The following CNTNAP2 variants were observed in gnomAD, a reference collection of about 807,000 sequenced individuals.
CNTNAP2 encodes the protein contactin associated protein 2.
Under a neutral mutation model 155.2 loss-of-function variants are expected in CNTNAP2, and 98 were observed. The ratio of observed to expected loss-of-function variants is 0.63; its 90% CI spans 0.54 to 0.75. The LOEUF (loss-of-function observed/expected upper bound fraction) is 0.75. CNTNAP2 is among the 30% of genes least tolerant of loss of function. The pLI is 0.00. For missense variants in CNTNAP2, 1,727 were observed against 1,688.1 expected, an observed-to-expected ratio of 1.02 and a Z score of -0.40; for synonymous variants, 651 against 631.2, an observed-to-expected ratio of 1.03 and a Z score of -0.47.
intron 1 of CNTNAP2, among the ~76,000 whole-genome samples, chr7:146,532,538 G>A (rs1258551648): frequency 1.3e-5 from 2 of 152,008 alleles, no homozygotes; most frequent in Admixed American, 1.3e-4. Context: ...ATGACATCTA[G>A]CCTCACAACC....
At chr7:147,781,884 G>T (rs571154126) in intron 13 of CNTNAP2, among the ~76,000 whole-genome samples, 1 of 152,114 alleles carries the variant, frequency 6.6e-6, no homozygotes, top group Non-Finnish European at 1.5e-5. Flanking sequence ...TTAGCTGGGC[G>T]TGGCGGCGGG....
At chr7:147,731,122 G>A (rs1796731844) in intron 13 of CNTNAP2, among the ~76,000 whole-genome samples, 1 of 152,110 alleles carries the variant, frequency 6.6e-6, no homozygotes, top group Admixed American at 6.6e-5. Context: ...AGCAAATGCT[G>A]ATGTAGAAGC....
chr7:147,486,169 T>C, intron 11 of CNTNAP2, 128 bp downstream of exon 11: 1 of 684,762 alleles, frequency 1.5e-6, no homozygotes, highest in Admixed American at 3.0e-5. Flanking sequence ...AAACCAAGAT[T>C]CCAATTGTCA....
intron 1 of CNTNAP2, among the ~76,000 whole-genome samples, chr7:146,770,108 C>T (rs1325592906): frequency 1.3e-5 from 2 of 151,932 alleles, no homozygotes; most frequent in Admixed American, 1.3e-4. Flanking sequence ...TTATTTGTGG[C>T]TTTTTGTATT....
At chr7:147,145,480 T>C (rs970473949) in intron 8 of CNTNAP2, among the ~76,000 whole-genome samples, 1 of 152,156 alleles carries the variant, frequency 6.6e-6, no homozygotes, top group Non-Finnish European at 1.5e-5. Context: ...GTCAATAGCA[T>C]GCAGGTTGAC....
intron 13 of CNTNAP2, among the ~76,000 whole-genome samples, chr7:147,651,744 C>T (rs1300237440): frequency 2.6e-5 from 4 of 152,186 alleles, no homozygotes; most frequent in Admixed American, 1.3e-4. Flanking sequence ...AAGACAAAGA[C>T]TCCTTTTCTC....
intron 21 of CNTNAP2, among the ~76,000 whole-genome samples, chr7:148,343,320 C>T (rs998796279): frequency 2.6e-5 from 4 of 152,256 alleles, no homozygotes; most frequent in African/African-American, 9.6e-5. Context: ...CCGGTGCCCA[C>T]TAAGCCTTGA....
intron 1 of CNTNAP2, among the ~76,000 whole-genome samples, chr7:146,631,557 G>A (rs1237956337): frequency 6.6e-6 from 1 of 152,036 alleles, no homozygotes; most frequent in African/African-American, 2.4e-5. Context: ...AATGACCCCA[G>A]GTTCTTCACT....
chr7:147,331,609 C>A (rs1472267417), intron 9 of CNTNAP2, among the ~76,000 whole-genome samples: 1 of 151,970 alleles, frequency 6.6e-6, no homozygotes, highest in Non-Finnish European at 1.5e-5. Flanking sequence ...GACAGAGACA[C>A]AAATGAGACT....
intron 21 of CNTNAP2, among the ~76,000 whole-genome samples, chr7:148,283,304 A>AAAGAAAGAAAGG (rs1278484699): frequency 4.5e-5 from 4 of 89,426 alleles, no homozygotes; most frequent in African/African-American, 2.3e-4. Flanking sequence ...AGAAAGAAAG[A>AAAGAAAGAAAGG]AAGGAAGGAA....
At chr7:147,397,917 C>T (rs1796846375) in intron 10 of CNTNAP2, among the ~76,000 whole-genome samples, 1 of 152,046 alleles carries the variant, frequency 6.6e-6, no homozygotes, top group Admixed American at 6.6e-5. Flanking sequence ...ACCTGTGACA[C>T]ATCTCCACGC....
At chr7:147,717,774 C>T (rs979294023) in intron 13 of CNTNAP2, among the ~76,000 whole-genome samples, 1 of 152,016 alleles carries the variant, frequency 6.6e-6, no homozygotes, top group Admixed American at 6.6e-5. Flanking sequence ...ATAGTTTTAG[C>T]TGCTCAAGAG....
chr7:147,554,640 G>A (rs1425652693), intron 11 of CNTNAP2, among the ~76,000 whole-genome samples: 1 of 152,036 alleles, frequency 6.6e-6, no homozygotes, highest in Non-Finnish European at 1.5e-5. Flanking sequence ...GCTTGGACAG[G>A]TAAATAAACC....
chr7:148,249,083 A>G (rs1022439521), intron 20 of CNTNAP2, among the ~76,000 whole-genome samples: 2 of 152,166 alleles, frequency 1.3e-5, no homozygotes, highest in Non-Finnish European at 2.9e-5. Flanking sequence ...TTATTATGTT[A>G]TAAGGATTCT....
chr7:148,399,178 C>T (rs1163480371), intron 22 of CNTNAP2, among the ~76,000 whole-genome samples: 2 of 152,168 alleles, frequency 1.3e-5, no homozygotes, highest in African/African-American at 2.4e-5. Flanking sequence ...ATAATATGCC[C>T]GTATGGCTTC....
At chr7:147,706,557 T>TTC (rs1408899609) in intron 13 of CNTNAP2, among the ~76,000 whole-genome samples, 1 of 152,212 alleles carries the variant, frequency 6.6e-6, no homozygotes. Context: ...GGTTTTAGAA[T>TTC]TCTCTCTTTG....
At chr7:148,109,528 G>A (rs1585130267) in intron 15 of CNTNAP2, among the ~76,000 whole-genome samples, 1 of 152,136 alleles carries the variant, frequency 6.6e-6, no homozygotes, top group Non-Finnish European at 1.5e-5. Context: ...GGGATTACAG[G>A]CATGCACCAT....
intron 1 of CNTNAP2, among the ~76,000 whole-genome samples, chr7:146,258,040 A>G (rs114366433): frequency 0.033 from 4,946 of 151,962 alleles, 110 homozygotes; most frequent in African/African-American, 0.061. Context: ...ATAGGTGTGC[A>G]CCACCATTGC....
At chr7:147,900,609 T>C (rs981207948) in intron 13 of CNTNAP2, among the ~76,000 whole-genome samples, 4 of 152,084 alleles carry the variant, frequency 2.6e-5, no homozygotes, top group Non-Finnish European at 4.4e-5. Context: ...GTGGGTTTTT[T>C]GTTTGTTTTG....
Sources: gnomAD v4.1 joint callset for allele counts (sites outside exome capture counted in the v4.1 genomes callset) on GRCh38, gnomAD v4.1.1 for gene constraint, MANE v1.5 for transcripts, NCBI Gene and HGNC (gene_info 2026-07-23, HGNC 2026-07-21) for gene names.